Variants in SCOC observed in about 807,000 individuals in gnomAD.
The protein encoded by SCOC is short coiled coil protein.
In SCOC, 7 loss-of-function variants were observed where a neutral mutation model predicts 9.9. The ratio of observed to expected loss-of-function variants is 0.71; its 90% CI spans 0.40 to 1.33. SCOC has a LOEUF of 1.33. SCOC is among the 40% of genes most tolerant of loss of function. The pLI is 0.01. For missense variants in SCOC, 66 were observed against 89.7 expected (o/e 0.74, Z 1.07); for synonymous variants, 19 against 28.2 (o/e 0.67, Z 1.03).
chr4:140,374,085 C>T (rs970292913), intron 1 of SCOC: 2 of 480,724 alleles, frequency 4.2e-6, no homozygotes, highest in Non-Finnish European at 8.2e-6. Flanking sequence ...TGGAATGGGA[C>T]CTGGCACGCC....
intron 1 of SCOC, among the ~76,000 whole-genome samples, chr4:140,326,776 C>A (rs977003483): frequency 6.6e-6 from 1 of 152,114 alleles, no homozygotes; most frequent in African/African-American, 2.4e-5. Context: ...AATTCTTATA[C>A]ACCTAGGAGA....
intron 1 of SCOC, among the ~76,000 whole-genome samples, chr4:140,330,924 T>C (rs931354996): frequency 5.3e-5 from 8 of 152,212 alleles, no homozygotes; most frequent in African/African-American, 1.9e-4. Flanking sequence ...TTTTATTGCA[T>C]CAATGCAGCG....
rs77864063 is a variant in SCOC at position 140,321,773 on chromosome 4, G to T, written c.-18-21848G>T. 6.3e-3 allele frequency among the ~76,000 whole-genome samples: 964 copies of T among 152,278 alleles called. 6 individuals are homozygous for T. The highest frequency in any genetic ancestry group is 0.022 in the African/African-American group (918 of 41,566). Reference sequence around the variant, plus strand: ...AAGAATGGGTAGAAGAAATGTTTAAGAAATAATTGCTGGCAATTTTCTAAT... The same window carrying T: ...AAGAATGGGTAGAAGAAATGTTTAATAAATAATTGCTGGCAATTTTCTAAT... On this transcript the variant is annotated intron_variant, in intron 1 of 4. Coordinates refer to the SCOC transcript ENST00000394205.
At chr4:140,283,862 A>G (rs779242293) in intron 1 of SCOC, 3 of 152,158 alleles carry the variant, frequency 2.0e-5, no homozygotes, top group Non-Finnish European at 4.4e-5. Context: ...CAAGGAGGTC[A>G]CTCTATTAGT....
At chr4:140,324,861 C>G (rs1313842567) in intron 1 of SCOC, among the ~76,000 whole-genome samples, 1 of 151,620 alleles carries the variant, frequency 6.6e-6, no homozygotes, top group Non-Finnish European at 1.5e-5. Context: ...GGCAAAGGAC[C>G]TAGAATAGCC....
intron 1 of SCOC, among the ~76,000 whole-genome samples, chr4:140,335,896 A>G (rs1451636801): frequency 6.6e-6 from 1 of 152,148 alleles, no homozygotes; most frequent in Non-Finnish European, 1.5e-5. Flanking sequence ...ACACACATTT[A>G]TATCTCACTG....
intron 1 of SCOC, among the ~76,000 whole-genome samples, chr4:140,325,355 T>C (rs1204107538): frequency 1.3e-5 from 2 of 151,956 alleles, no homozygotes; most frequent in African/African-American, 4.8e-5. Context: ...AAAGATGCAG[T>C]TGAGAAAATA....
At chr4:140,362,493 C>G (rs1727614496) in intron 2 of SCOC, among the ~76,000 whole-genome samples, 1 of 150,428 alleles carries the variant, frequency 6.6e-6, no homozygotes, top group Non-Finnish European at 1.5e-5. Flanking sequence ...CAGGGTTTCA[C>G]TATATTGGCC....
chr4:140,307,298 G>A (rs1313580813), intron 1 of SCOC, among the ~76,000 whole-genome samples: 3 of 151,754 alleles, frequency 2.0e-5, no homozygotes, highest in Non-Finnish European at 2.9e-5. Flanking sequence ...CTGATCTTCT[G>A]GTAGAGCATA....
At chr4:140,338,872 G>A (rs1481299577), upstream of SCOC, among the ~76,000 whole-genome samples, 3 of 152,178 alleles carry the variant, frequency 2.0e-5, no homozygotes, top group African/African-American at 4.8e-5. Context: ...TGGCCATACT[G>A]CCCAAGGTAA....
chr4:140,270,062 G>A (rs1040694863), intron 1 of SCOC, among the ~76,000 whole-genome samples: 5 of 152,134 alleles, frequency 3.3e-5, no homozygotes, highest in African/African-American at 7.2e-5. Context: ...AGTCACAAAC[G>A]TATCTTAATA....
At chr4:140,319,811 TTA>T (rs142261605) in intron 1 of SCOC, among the ~76,000 whole-genome samples, 13,320 of 152,038 alleles carry the variant, frequency 0.088, 697 homozygotes, top group African/African-American at 0.15. Flanking sequence ...ATGAGAGAAC[TTA>T]TGTTATAGGC....
upstream of SCOC, among the ~76,000 whole-genome samples, chr4:140,339,519 C>A (rs576077961): frequency 1.3e-5 from 2 of 152,246 alleles, no homozygotes; most frequent in East Asian, 3.9e-4. Flanking sequence ...AGGCAACCTA[C>A]GGAATGGGAG....
At chr4:140,357,001 G>A (rs973328720) in intron 2 of SCOC, among the ~76,000 whole-genome samples, 7 of 151,996 alleles carry the variant, frequency 4.6e-5, no homozygotes, top group Non-Finnish European at 7.4e-5. Context: ...ACAGGGTCTC[G>A]CTCTGTTGCC....
At chr4:140,311,444 T>C (rs557800597) in intron 1 of SCOC, among the ~76,000 whole-genome samples, 1 of 152,256 alleles carries the variant, frequency 6.6e-6, no homozygotes, top group South Asian at 2.1e-4. Context: ...CATTATCCAG[T>C]CATCTACAAT....
intron 1 of SCOC, among the ~76,000 whole-genome samples, chr4:140,269,127 T>C (rs180703000): frequency 6.6e-6 from 1 of 152,284 alleles, no homozygotes; most frequent in East Asian, 1.9e-4. Flanking sequence ...ACTTGTTTTA[T>C]TCCCTTCACT....
At chr4:140,353,407 CTTTTTCTTTTTT>C (rs1727063582) in intron 2 of SCOC, among the ~76,000 whole-genome samples, 1 of 150,540 alleles carries the variant, frequency 6.6e-6, no homozygotes, top group Non-Finnish European at 1.5e-5. Context: ...TTCTTTTTTT[CTTTTTCTTTTTT>C]TTTTTTTTTT....
At chr4:140,274,804 A>G (rs576349712) in intron 1 of SCOC, among the ~76,000 whole-genome samples, 3 of 152,336 alleles carry the variant, frequency 2.0e-5, no homozygotes, top group Non-Finnish European at 4.4e-5. Flanking sequence ...GTGTCTAAGG[A>G]AGGAATTCCA....
In SCOC at chr4:140,382,506, T is replaced by C. The variant is rs1050977954; in HGVS notation, c.*1402T>C. 1.3e-5 allele frequency: 2 copies of C among 152,616 alleles called. No homozygotes were observed. The highest frequency in any genetic ancestry group is 2.9e-5 in the Non-Finnish European group (2 of 68,032). 9.5% of individuals were successfully genotyped at this position (152,616 alleles called of 1,614,324 possible). On this transcript the variant is annotated 3_prime_UTR_variant, in exon 4 of 4. Coordinates refer to ENST00000608372, the MANE Select transcript of SCOC (RefSeq NM_001153484.2). ...GTGACCTAATTTACAGACATTTAAA[T>C]TGTGTTGCAGTTCTGCTTTGCCGTT... is the stretch of plus-strand genomic sequence containing the variant.
Sources: gnomAD v4.1 joint callset for allele counts (sites outside exome capture counted in the v4.1 genomes callset) on GRCh38, gnomAD v4.1.1 for gene constraint, MANE v1.5 for transcripts, NCBI Gene and HGNC (gene_info 2026-07-23, HGNC 2026-07-21) for gene names.